The following JPH1 variants were observed in gnomAD, a reference collection of about 807,000 sequenced individuals.
JPH1 encodes junctophilin 1, also known as junctophilin-1.
In JPH1, 12 loss-of-function variants were observed where a neutral mutation model predicts 53.6. The ratio of observed to expected loss-of-function variants is 0.22; its 90% CI spans 0.14 to 0.36. JPH1 has a LOEUF of 0.36. Among genes scored for constraint, JPH1 ranks in the 10% least tolerant of loss-of-function variants. The pLI is 1.00. For synonymous variants in JPH1, 375 were observed against 363.8 expected (o/e 1.03, Z -0.35); for missense variants, 808 against 905.5 (o/e 0.89, Z 1.38).
intron 2 of JPH1, among the ~76,000 whole-genome samples, chr8:74,311,768 G>T (rs999837050): frequency 6.7e-6 from 1 of 148,776 alleles, no homozygotes; most frequent in Admixed American, 6.9e-5. Flanking sequence ...AGAACATGTG[G>T]TGTTTGGTTT....
chr8:74,306,045 A>ACGAGATATCCTAAGGAGGTTTT (rs1202643403), intron 2 of JPH1, among the ~76,000 whole-genome samples: 1 of 152,184 alleles, frequency 6.6e-6, no homozygotes, highest in East Asian at 1.9e-4. Context: ...ATCTTTAGAA[A>ACGAGATATCCTAAGGAGGTTTT]CGAGATATCC....
chr8:74,254,688 C>A (rs938974755), intron 3 of JPH1, among the ~76,000 whole-genome samples: 1 of 152,154 alleles, frequency 6.6e-6, no homozygotes, highest in African/African-American at 2.4e-5. Context: ...TAAGCAACTT[C>A]AGCAAAGTCT....
intron 2 of JPH1, among the ~76,000 whole-genome samples, chr8:74,272,664 C>T (rs1451453195): frequency 2.1e-5 from 3 of 143,700 alleles, no homozygotes; most frequent in Non-Finnish European, 4.5e-5. Flanking sequence ...AGTGCAGTGG[C>T]GCGATCTCGA....
intron 3 of JPH1, among the ~76,000 whole-genome samples, chr8:74,247,271 T>C (rs12334810): frequency 0.052 from 7,865 of 152,236 alleles, 644 homozygotes; most frequent in African/African-American, 0.17. Flanking sequence ...AATTTCACTA[T>C]GGTTGGTTTT....
chr8:74,297,505 C>T lies in JPH1; in HGVS notation c.1139+17356G>A, dbSNP rs543044445. Among the ~76,000 whole-genome samples the T allele has an allele frequency of 3.3e-5, 5 of 152,302 alleles. No individual in the cohort carries two copies. The South Asian group carries it at 8.3e-4, about 25-fold the overall frequency. The stretch of plus-strand genomic sequence containing the variant: ...CAAGTGTGCTTCGCGGGACTCTTAA[C>T]TCACTCACTGTTCTTTGCCCTACCG... On this transcript the variant is annotated intron_variant, in intron 2 of 5. Coordinates refer to ENST00000342232, the MANE Select transcript of JPH1 (RefSeq NM_020647.4).
Position 74,235,462 on chromosome 8 carries a change from C to T in JPH1, c.*1589G>A, listed in dbSNP as rs1224213350. 2 of 150,964 alleles carry T rather than the reference C, an allele frequency of 1.3e-5. No individual in the cohort carries two copies. Among genetic ancestry groups the T allele is most frequent in the African/African-American group, 2.5e-5 (1 of 40,754 alleles). 9.4% of individuals were successfully genotyped at this position (150,964 alleles called of 1,614,324 possible). A position where few individuals can be genotyped will look rare whatever the true frequency, so the allele number is the denominator to read the frequency against. ...TGTGCTAACCAGGGAATTGTGTGAA[C>T]TGTCTCTTCTCCATTGAAAAGGTAG... On this transcript the variant is annotated 3_prime_UTR_variant, in exon 6 of 6. Transcript: ENST00000342232.
chr8:74,251,756 A>G (rs1806070218), intron 3 of JPH1, among the ~76,000 whole-genome samples: 1 of 152,092 alleles, frequency 6.6e-6, no homozygotes, highest in Non-Finnish European at 1.5e-5. Flanking sequence ...CAGTTTTTTA[A>G]AATAGATTCA....
At chr8:74,269,969 T>G (rs1030500370) in intron 2 of JPH1, among the ~76,000 whole-genome samples, 1 of 152,248 alleles carries the variant, frequency 6.6e-6, no homozygotes, top group Non-Finnish European at 1.5e-5. Context: ...TTCATCTTCT[T>G]GTATTCATGC....
At chr8:74,256,829 C>T (rs1434509205) in intron 3 of JPH1, among the ~76,000 whole-genome samples, 1 of 152,174 alleles carries the variant, frequency 6.6e-6, no homozygotes, top group Non-Finnish European at 1.5e-5. Context: ...GAAAATACTG[C>T]CAGCTCCTGA....
rs188461649 is a variant in JPH1 at position 74,266,175 on chromosome 8, G to A, written c.1140-6672C>T. 2.2e-3 allele frequency among the ~76,000 whole-genome samples: 333 copies of A among 151,792 alleles called. 1 individual carries two copies. Among genetic ancestry groups the A allele is most frequent in the African/African-American group, 7.0e-3 (289 of 41,372 alleles). On this transcript the variant is annotated intron_variant, in intron 2 of 5. Coordinates refer to ENST00000342232, the MANE Select transcript of JPH1 (RefSeq NM_020647.4). ...CTCAAAGTGATATTTATACACCCAT[G>A]TTCATAGCACCATTATTTATAATAG...
chr8:74,261,289 C>T (rs28655408), intron 2 of JPH1, among the ~76,000 whole-genome samples: 10,587 of 152,056 alleles, frequency 0.07, 930 homozygotes, highest in African/African-American at 0.2. Flanking sequence ...TTACACCAAA[C>T]GCACCTCAAA....
At chr8:74,259,844 G>A (rs984638990) in intron 2 of JPH1, among the ~76,000 whole-genome samples, 2 of 152,324 alleles carry the variant, frequency 1.3e-5, no homozygotes, top group African/African-American at 4.8e-5. Context: ...ATTATGGAAA[G>A]TAGAATTAGA....
In JPH1 at chr8:74,315,092, T is replaced by C; in HGVS notation, c.908A>G (p.Lys303Arg). ...GTTATTTGCCCACTCCCCTTCATAC[T>C]TCATGCCATTGGAGCGCTCGCTAAC... is the stretch of plus-strand genomic sequence containing the variant. ...FGVSERSNGMKYEGEWANNKR... is the reference protein window; with the variant it reads ...FGVSERSNGMRYEGEWANNKR... Residue 303 changes from lysine (K) to arginine (R), a missense_variant, in exon 2 of 6, where the codon AAG becomes AGG. Lys to Arg is a conservative substitution (Grantham distance 26, BLOSUM62 2). Transcript: ENST00000342232. This position sits in a 1 kb window ranked among gnomAD's most constrained non-coding sequence, Gnocchi z 6.3. 1 of 1,614,228 alleles carries C rather than the reference T, an allele frequency of 6.2e-7. No homozygotes were observed. Among genetic ancestry groups the C allele is most frequent in the Non-Finnish European group, 8.5e-7 (1 of 1,180,036 alleles).
At chr8:74,309,777 A>G (rs554218858) in intron 2 of JPH1, among the ~76,000 whole-genome samples, 2 of 152,332 alleles carry the variant, frequency 1.3e-5, no homozygotes, top group East Asian at 3.9e-4. Flanking sequence ...TAGAATGCAA[A>G]CAACAGGAAT....
intron 2 of JPH1, among the ~76,000 whole-genome samples, chr8:74,300,440 T>C (rs1438497004): frequency 1.3e-5 from 2 of 152,218 alleles, no homozygotes; most frequent in Non-Finnish European, 2.9e-5. Context: ...CCACGCTTTT[T>C]CCTCCATTCA....
chr8:74,301,935 C>CA (rs1310803787), intron 2 of JPH1, among the ~76,000 whole-genome samples: 1 of 151,866 alleles, frequency 6.6e-6, no homozygotes, highest in Non-Finnish European at 1.5e-5. Flanking sequence ...TACATGGGTT[C>CA]AAAAAAAATT....
At chr8:74,292,634 G>A (rs976032381) in intron 2 of JPH1, among the ~76,000 whole-genome samples, 5 of 144,534 alleles carry the variant, frequency 3.5e-5, no homozygotes, top group South Asian at 4.3e-4. Context: ...TAACACAGAC[G>A]TTTCACACTG....
At chr8:74,293,211 C>G (rs1357805792) in intron 2 of JPH1, among the ~76,000 whole-genome samples, 2 of 152,122 alleles carry the variant, frequency 1.3e-5, no homozygotes, top group African/African-American at 4.8e-5. Flanking sequence ...TATATTATGA[C>G]CTGTATTTCA....
At chr8:74,305,510 A>G (rs1205351257) in intron 2 of JPH1, among the ~76,000 whole-genome samples, 2 of 152,260 alleles carry the variant, frequency 1.3e-5, no homozygotes, top group Non-Finnish European at 2.9e-5. Context: ...TCATATGTGT[A>G]CTATTGAGAA....
Sources: gnomAD v4.1 joint callset for allele counts (sites outside exome capture counted in the v4.1 genomes callset) on GRCh38, gnomAD v4.1.1 for gene constraint, Gnocchi (gnomAD v3.1) non-coding constraint, MANE v1.5 for transcripts, NCBI Gene and HGNC (gene_info 2026-07-23, HGNC 2026-07-21) for gene names.